The following MAP7D3 variants were observed in gnomAD, a reference collection of about 807,000 sequenced individuals.
MAP7D3 encodes MAP7 domain-containing protein 3.
Under a neutral mutation model 62.2 loss-of-function variants are expected in MAP7D3, and 45 were observed. That is an observed-to-expected ratio of 0.72 (90% CI 0.57 to 0.93). The LOEUF (loss-of-function observed/expected upper bound fraction) is 0.93. Ranked by LOEUF, MAP7D3 falls within the 40% of genes least tolerant of loss-of-function variation. The pLI is 0.00. For missense variants in MAP7D3, 711 were observed against 683.1 expected (o/e 1.04, Z -0.45); for synonymous variants, 288 against 248.8 (o/e 1.16, Z -1.48).
At chrX:136,239,775 A>C (rs2074367873) in intron 6 of MAP7D3, among the ~76,000 whole-genome samples, 1 of 112,643 alleles carries the variant, frequency 8.9e-6, no homozygotes, top group African/African-American at 3.2e-5. Flanking sequence ...TGTTGGTAGA[A>C]TATGAACTAA....
intron 18 of MAP7D3, 136 bp downstream of exon 18, chrX:136,219,262 T>G: frequency 2.3e-6 from 1 of 429,062 alleles, no homozygotes; most frequent in South Asian, 4.4e-5. Context: ...ACATCATTCC[T>G]GCAGACCCAC....
At chrX:136,215,208 G>A (rs1264535114), downstream of MAP7D3, among the ~76,000 whole-genome samples, 1 of 111,941 alleles carries the variant, frequency 8.9e-6, no homozygotes, top group Non-Finnish European at 1.9e-5. Context: ...CTTGGGCCAC[G>A]GACTGGTGCT....
At position 136,224,890 on chromosome X, in the gene MAP7D3, G is replaced by C; in HGVS notation, c.2140-10C>G. On this transcript the variant is annotated splice_polypyrimidine_tract_variant and intron_variant, in intron 13 of 18. Coordinates refer to ENST00000316077, the MANE Select transcript of MAP7D3 (RefSeq NM_024597.4). ...TAATTTCTTCTATTCTCTATTTAAA[G>C]GAAAATAAAAATTCAAACATGAAAA... 8.9e-7 allele frequency: 1 copy of C among 1,120,573 alleles called. No individual in the cohort carries two copies. Among genetic ancestry groups the C allele is most frequent in the Non-Finnish European group, 1.2e-6 (1 of 815,272 alleles). 92.3% of individuals were successfully genotyped at this position (1,120,573 alleles called of 1,213,427 possible). A position where few individuals can be genotyped will look rare whatever the true frequency, so the allele number is the denominator to read the frequency against.
At chrX:136,224,373 C>G (rs2074167927) in intron 14 of MAP7D3, among the ~76,000 whole-genome samples, 1 of 105,645 alleles carries the variant, frequency 9.5e-6, no homozygotes, top group Non-Finnish European at 1.9e-5. Flanking sequence ...ACACTCTGGC[C>G]TGGGTGACAG....
intron 10 of MAP7D3, 64 bp from the exon 11 acceptor site, chrX:136,228,822 T>C (rs1023866736): frequency 3.0e-5 from 28 of 932,066 alleles, no homozygotes; most frequent in Non-Finnish European, 3.6e-5. Flanking sequence ...AACAAAGAAG[T>C]GCAACACAAT....
chrX:136,225,459 T>C lies in MAP7D3; in HGVS notation c.2139+450A>G, dbSNP rs959806352. Among the ~76,000 whole-genome samples the C allele has an allele frequency of 3.6e-5, 4 of 111,934 alleles. No individual in the cohort carries two copies. In the Admixed American group the frequency reaches 3.8e-4, roughly 11 times the overall value. ...AGATAGGCCTTGCAGCAACTCAGCC[T>C]GGACCAGGGCTGCAGATGAGCTCAC... On this transcript the variant is annotated intron_variant, in intron 13 of 18. Transcript: ENST00000316077.
At chrX:136,239,671 CTAT>C (rs746987092) in intron 6 of MAP7D3, among the ~76,000 whole-genome samples, 135 of 111,997 alleles carry the variant, frequency 1.2e-3, no homozygotes, top group African/African-American at 4.0e-3. Context: ...TATATATATG[CTAT>C]TATTTTTCTA....
intron 14 of MAP7D3, among the ~76,000 whole-genome samples, chrX:136,224,151 A>C: frequency 9.2e-6 from 1 of 108,911 alleles, no homozygotes; most frequent in Admixed American, 1.0e-4. Flanking sequence ...CTGTAATCCT[A>C]GCACTTTGGG....
At chrX:136,253,445 A>G (rs2074534149), upstream of MAP7D3, among the ~76,000 whole-genome samples, 1 of 112,510 alleles carries the variant, frequency 8.9e-6, no homozygotes, top group Non-Finnish European at 1.9e-5. Context: ...ACTGGCCCCA[A>G]TGCTTCAAAA....
chrX:136,233,886 A>C (rs1250455937), intron 7 of MAP7D3, among the ~76,000 whole-genome samples: 1 of 111,497 alleles, frequency 9.0e-6, no homozygotes, highest in Non-Finnish European at 1.9e-5. Context: ...GCTACAGAAA[A>C]TATAGTATGA....
intron 8 of MAP7D3, 26 bp downstream of exon 8, chrX:136,231,518 T>C: frequency 3.5e-6 from 4 of 1,143,876 alleles, no homozygotes; most frequent in Non-Finnish European, 4.7e-6. Context: ...AATAGAAAAT[T>C]TGTCAATAAC....
intron 18 of MAP7D3, among the ~76,000 whole-genome samples, chrX:136,219,012 G>A (rs1182780561): frequency 4.5e-5 from 5 of 111,097 alleles, no homozygotes; most frequent in African/African-American, 1.6e-4. Flanking sequence ...TACCACACCC[G>A]GCTAATTTTT....
At chrX:136,229,339 T>C (rs1397985733) in intron 10 of MAP7D3, among the ~76,000 whole-genome samples, 1 of 111,429 alleles carries the variant, frequency 9.0e-6, no homozygotes, top group Non-Finnish European at 1.9e-5. Flanking sequence ...ACTAATTTAT[T>C]TTAAATAAAT....
chrX:136,236,118 T>C, intron 7 of MAP7D3, 126 bp downstream of exon 7: 1 of 441,679 alleles, frequency 2.3e-6, no homozygotes, highest in Admixed American at 4.2e-5. Context: ...CCAAAGCACA[T>C]TTTTTCAGTC....
chrX:136,246,606 A>C (rs2074451818), intron 1 of MAP7D3, among the ~76,000 whole-genome samples: 1 of 112,199 alleles, frequency 8.9e-6, no homozygotes, highest in Non-Finnish European at 1.9e-5. Flanking sequence ...TGGCGGTGGC[A>C]GCATAAGTTT....
At chrX:136,216,359 T>TAAAAAAAAAAAA (rs58245551), downstream of MAP7D3, among the ~76,000 whole-genome samples, 2 of 25,486 alleles carry the variant, frequency 7.8e-5, no homozygotes, top group Non-Finnish European at 1.2e-4. Context: ...ACCCTATCTC[T>TAAAAAAAAAAAA]AAAAAAAAAA....
At chrX:136,250,945 C>G (rs1289911346) in intron 1 of MAP7D3, among the ~76,000 whole-genome samples, 1 of 111,333 alleles carries the variant, frequency 9.0e-6, no homozygotes, top group Non-Finnish European at 1.9e-5. Context: ...GGGCGGTCCG[C>G]GGGGTCCGGC....
At chrX:136,249,557 T>C (rs777387418) in intron 1 of MAP7D3, among the ~76,000 whole-genome samples, 1 of 111,689 alleles carries the variant, frequency 9.0e-6, no homozygotes, top group African/African-American at 3.2e-5. Flanking sequence ...ATGTAACACA[T>C]ATATATATAC....
In MAP7D3 at chrX:136,251,367, G is replaced by A. The variant is rs1170128782; in HGVS notation, c.-9C>T. 2.7e-6 allele frequency: 3 copies of A among 1,111,319 alleles called. No individual in the cohort carries two copies. Among genetic ancestry groups the A allele is most frequent in the Non-Finnish European group, 3.5e-6 (3 of 851,394 alleles). The allele number at this position is 1,111,319 out of a possible 1,213,427, so 91.6% of individuals were successfully genotyped here. A position where few individuals can be genotyped will look rare whatever the true frequency, so the allele number is the denominator to read the frequency against. ...GCGCCGTCCGCCATCATCGGAGTCG[G>A]GACCGGAGGCGGTGGTGGCTCTCCG... On this transcript the variant is annotated 5_prime_UTR_variant, in exon 1 of 19. Transcript: ENST00000316077.
Sources: gnomAD v4.1 joint callset for allele counts (sites outside exome capture counted in the v4.1 genomes callset) on GRCh38, gnomAD v4.1.1 for gene constraint, MANE v1.5 for transcripts, NCBI Gene and HGNC (gene_info 2026-07-23, HGNC 2026-07-21) for gene names.